Variants in FRMPD4 observed in about 807,000 individuals in gnomAD.
FRMPD4 encodes FERM and PDZ domain containing 4.
FRMPD4 carries 22 observed loss-of-function variants against 94.1 expected under a neutral mutation model. The ratio of observed to expected loss-of-function variants is 0.23; its 90% CI spans 0.17 to 0.33. FRMPD4 has a LOEUF of 0.33. Among genes scored for constraint, FRMPD4 ranks in the 10% least tolerant of loss-of-function variants. FRMPD4 has a pLI of 1.00. For synonymous variants in FRMPD4, 631 were observed against 548.6 expected, an observed-to-expected ratio of 1.15 and a Z score of -2.10; for missense variants, 1,111 against 1,339.9, an observed-to-expected ratio of 0.83 and a Z score of 2.67.
At chrX:12,508,862 C>T (rs1226640425) in intron 2 of FRMPD4, among the ~76,000 whole-genome samples, 1 of 108,137 alleles carries the variant, frequency 9.2e-6, no homozygotes, top group East Asian at 2.9e-4. Context: ...CATGGTGGTG[C>T]GTGCCTATAA....
chrX:12,546,147 A>G (rs895719489), intron 2 of FRMPD4, among the ~76,000 whole-genome samples: 3 of 108,266 alleles, frequency 2.8e-5, no homozygotes, highest in African/African-American at 1.0e-4. Context: ...TATATCCCAA[A>G]TCGTGAGAAC....
At chrX:12,171,412 C>T (rs896321333) in intron 1 of FRMPD4, among the ~76,000 whole-genome samples, 1 of 112,108 alleles carries the variant, frequency 8.9e-6, no homozygotes, top group African/African-American at 3.2e-5. Context: ...TTGATTTTCT[C>T]ATCCTTTGCT....
chrX:12,209,305 G>T (rs946825261), intron 1 of FRMPD4, among the ~76,000 whole-genome samples: 1 of 111,967 alleles, frequency 8.9e-6, no homozygotes, highest in Non-Finnish European at 1.9e-5. Flanking sequence ...ATGTTTTTGA[G>T]ATTAACACTA....
intron 3 of FRMPD4, among the ~76,000 whole-genome samples, chrX:11,901,856 G>C (rs1377441427): frequency 9.0e-6 from 1 of 111,496 alleles, no homozygotes; most frequent in Admixed American, 9.5e-5. Flanking sequence ...ATTAGTGATA[G>C]TGAACATTTT....
chrX:12,143,780 A>G (rs1334097786), intron 1 of FRMPD4, among the ~76,000 whole-genome samples: 2 of 112,608 alleles, frequency 1.8e-5, no homozygotes, highest in African/African-American at 6.5e-5. Flanking sequence ...GCACATTACC[A>G]GTTAATATAG....
chrX:12,558,662 TC>T (rs768482650), intron 2 of FRMPD4, among the ~76,000 whole-genome samples: 1 of 108,987 alleles, frequency 9.2e-6, no homozygotes, highest in African/African-American at 3.4e-5. Flanking sequence ...ATTTTTTTTT[TC>T]CCCTCCACAT....
At chrX:12,680,628 G>C (rs1188889355) in intron 5 of FRMPD4, among the ~76,000 whole-genome samples, 1 of 112,028 alleles carries the variant, frequency 8.9e-6, no homozygotes, top group Admixed American at 9.4e-5. Context: ...TGAATTCTTA[G>C]TTAGAAGTTT....
At chrX:12,248,543 AAG>A (rs2053987573) in intron 1 of FRMPD4, among the ~76,000 whole-genome samples, 2 of 112,428 alleles carry the variant, frequency 1.8e-5, no homozygotes, top group Non-Finnish European at 3.8e-5. Flanking sequence ...AGAAGTTGTT[AAG>A]GGTCATGTAT....
chrX:12,012,137 G>A (rs1050503686), intron 3 of FRMPD4, among the ~76,000 whole-genome samples: 3 of 111,303 alleles, frequency 2.7e-5, no homozygotes, highest in African/African-American at 9.8e-5. Flanking sequence ...TTGACCTCGT[G>A]ATCCACCTGC....
At chrX:12,140,101 C>T (rs144398247) in intron 1 of FRMPD4, among the ~76,000 whole-genome samples, 2,002 of 112,063 alleles carry the variant, frequency 0.018, 48 homozygotes, top group African/African-American at 0.062. Flanking sequence ...TTACATTAGA[C>T]CACTTCAGAA....
At chrX:12,103,577 G>A (rs1043456814) in intron 3 of FRMPD4, among the ~76,000 whole-genome samples, 1 of 111,918 alleles carries the variant, frequency 8.9e-6, no homozygotes, top group African/African-American at 3.3e-5. Flanking sequence ...GGGTGTGGCT[G>A]TATTCCAATA....
intron 4 of FRMPD4, among the ~76,000 whole-genome samples, chrX:12,671,295 T>C (rs746121533): frequency 8.9e-6 from 1 of 111,935 alleles, no homozygotes; most frequent in South Asian, 3.8e-4. Context: ...CGTATGTTTA[T>C]TGTGGCACCA....
At chrX:12,300,083 G>A (rs767493025) in intron 1 of FRMPD4, among the ~76,000 whole-genome samples, 1 of 111,949 alleles carries the variant, frequency 8.9e-6, no homozygotes, top group South Asian at 3.7e-4. Context: ...TGGTAGAGTG[G>A]CTCAGAGGAG....
chrX:12,193,821 AGGAAGGAGGGAAGG>A (rs2056529636), intron 1 of FRMPD4, among the ~76,000 whole-genome samples: 1 of 38,114 alleles, frequency 2.6e-5, no homozygotes, highest in Non-Finnish European at 4.0e-5. Flanking sequence ...GAAGGAAGGA[AGGAAGGAGGGAAGG>A]AAGAAAGAAA....
At chrX:12,528,324 T>TG (rs1256459954) in intron 2 of FRMPD4, among the ~76,000 whole-genome samples, 2 of 99,019 alleles carry the variant, frequency 2.0e-5, no homozygotes, top group African/African-American at 7.5e-5. Context: ...TTTTTGTTTT[T>TG]TTTTTTTTTT....
intron 3 of FRMPD4, among the ~76,000 whole-genome samples, chrX:11,929,637 C>A (rs2054109864): frequency 8.9e-6 from 1 of 112,239 alleles, no homozygotes; most frequent in Non-Finnish European, 1.9e-5. Flanking sequence ...AAGCATTTGG[C>A]CATGCCCCGG....
chrX:12,090,553 A>C (rs1226973692), intron 3 of FRMPD4, among the ~76,000 whole-genome samples: 1 of 110,491 alleles, frequency 9.1e-6, no homozygotes, highest in Non-Finnish European at 1.9e-5. Context: ...GTAAGACTCC[A>C]CTTTTTTCCG....
intron 1 of FRMPD4, among the ~76,000 whole-genome samples, chrX:12,179,942 C>T (rs2056339643): frequency 9.1e-6 from 1 of 109,496 alleles, no homozygotes; most frequent in East Asian, 2.9e-4. Context: ...GGGTTCAAAG[C>T]CCTCATTTGC....
intron 3 of FRMPD4, among the ~76,000 whole-genome samples, chrX:11,906,029 CT>C (rs771818113): frequency 3.7e-4 from 41 of 111,621 alleles, no homozygotes; most frequent in African/African-American, 1.1e-3. Flanking sequence ...CCCAAATCCC[CT>C]GATCTTGACA....
Sources: gnomAD v4.1 joint callset for allele counts (sites outside exome capture counted in the v4.1 genomes callset) on GRCh38, gnomAD v4.1.1 for gene constraint, MANE v1.5 for transcripts, NCBI Gene and HGNC (gene_info 2026-07-23, HGNC 2026-07-21) for gene names.